The following CHD6 variants were observed in gnomAD, a reference collection of about 807,000 sequenced individuals.
CHD6 encodes the protein ATP-dependent chromatin remodeler CHD6.
A neutral mutation model predicts 276.9 loss-of-function variants in CHD6; 50 were observed. The ratio of observed to expected loss-of-function variants is 0.18; its 90% CI spans 0.14 to 0.23. CHD6 has a LOEUF of 0.23. Ranked by LOEUF, CHD6 falls within the 10% of genes least tolerant of loss-of-function variation. CHD6 has a pLI of 1.00. For missense variants in CHD6, 2,564 were observed against 3,365.8 expected (o/e 0.76, Z 5.89); for synonymous variants, 1,173 against 1,229.3 (o/e 0.95, Z 0.96).
At chr20:41,609,831 G>A (rs535254826) in intron 1 of CHD6, among the ~76,000 whole-genome samples, 47 of 148,444 alleles carry the variant, frequency 3.2e-4, no homozygotes, top group Non-Finnish European at 6.0e-5. Context: ...ATGTGGATCT[G>A]TGTTTCCTTT....
intron 33 of CHD6, 137 bp from the exon 34 acceptor site, chr20:41,415,775 C>T (rs1328256352): frequency 3.1e-6 from 2 of 652,670 alleles, no homozygotes; most frequent in African/African-American, 3.6e-5. Flanking sequence ...ACTCAGGCCT[C>T]CTCAAACCTG....
intron 1 of CHD6, among the ~76,000 whole-genome samples, chr20:41,605,974 C>T (rs1386093532): frequency 6.6e-6 from 1 of 152,146 alleles, no homozygotes; most frequent in Non-Finnish European, 1.5e-5. Context: ...GGGCCATGCA[C>T]CCATGAGGAC....
rs1268017522 is a variant in CHD6, at chr20:41,493,862, CCT to C, written c.1173_1174del (p.Glu393GlyfsTer15). 1.2e-6 allele frequency: 2 copies of C among 1,613,272 alleles called. No individual in the cohort carries two copies. The highest frequency in any genetic ancestry group is 1.7e-6 in the Non-Finnish European group (2 of 1,179,386). On this transcript the variant is annotated frameshift_variant, in exon 9 of 37. Coordinates refer to ENST00000373233, the MANE Select transcript of CHD6 (RefSeq NM_032221.5). LOFTEE classifies it high-confidence loss of function. Reference sequence around the variant, plus strand: ...TCAGGAGAGGCAAATACCCACCTCCCCTGTTTCTGCATCCTTGGTGTGGGCCA... The same window carrying C: ...TCAGGAGAGGCAAATACCCACCTCCCGTTTCTGCATCCTTGGTGTGGGCCA...
In CHD6 at chr20:41,533,160, T is replaced by C. The variant is rs1433150631; in HGVS notation, c.444A>G (p.Lys148=). 3 of 1,614,148 alleles carry C rather than the reference T, an allele frequency of 1.9e-6. No individual in the cohort carries two copies. Among genetic ancestry groups the C allele is most frequent in the Middle Eastern group, 1.7e-4 (1 of 5,988 alleles). Residue 148 remains lysine, a synonymous_variant, in exon 3 of 37, where the codon AAA becomes AAG. Coordinates refer to ENST00000373233, the MANE Select transcript of CHD6 (RefSeq NM_032221.5). ...GCTTCCGTGCCTTCTTTGCCCCATC[T>C]TTTTGCTTCGGCTCCTTGTGCTCCT... The part of the protein sequence containing the change: ...KAKEHKEPKQ[K]DGAKKARKPR...
In CHD6 at chr20:41,533,520, G is replaced by A. The variant is rs752607557; in HGVS notation, c.84C>T (p.Val28=). The A allele has an allele frequency of 1.2e-6, 2 of 1,613,186 alleles. No homozygotes were observed. The highest frequency in any genetic ancestry group is 8.5e-7 in the Non-Finnish European group (1 of 1,179,926). ...LNHSPMSDAS[V]NFDYKSPSPF... is the part of the protein sequence containing the mutation. ...GGGATGGAGATTTGTAGTCAAAATTGACAGAGGCATCAGACATTGGGGAGT... is the reference window on the plus strand; with the variant it reads ...GGGATGGAGATTTGTAGTCAAAATTAACAGAGGCATCAGACATTGGGGAGT... The change falls in exon 3 of 37, where the codon GTC becomes GTT. Residue 28 remains valine, a synonymous_variant. Coordinates refer to ENST00000373233, the MANE Select transcript of CHD6 (RefSeq NM_032221.5).
At chr20:41,515,814 A>G (rs1218996644) in intron 3 of CHD6, among the ~76,000 whole-genome samples, 3 of 152,226 alleles carry the variant, frequency 2.0e-5, no homozygotes, top group Non-Finnish European at 4.4e-5. Flanking sequence ...AGAGGGCAGT[A>G]TGTGCTTGAC....
At chr20:41,416,830 C>A (rs369618600) in intron 32 of CHD6, 36 bp from the exon 33 acceptor site, 1 of 1,448,576 alleles carries the variant, frequency 6.9e-7, no homozygotes, top group Non-Finnish European at 9.2e-7. Context: ...GAATAAGGAT[C>A]GAGTTACCTA....
chr20:41,573,855 C>T (rs2045444514), intron 1 of CHD6, among the ~76,000 whole-genome samples: 1 of 152,048 alleles, frequency 6.6e-6, no homozygotes, highest in Non-Finnish European at 1.5e-5. Flanking sequence ...GGTCTCTGAC[C>T]ATAAGGCAGC....
intron 27 of CHD6, among the ~76,000 whole-genome samples, chr20:41,435,167 A>T (rs2047667554): frequency 6.6e-6 from 1 of 152,344 alleles, no homozygotes; most frequent in South Asian, 2.1e-4. Context: ...CATTAAACTG[A>T]ATGAAAGTGA....
At chr20:41,450,814 A>G (rs1278634078) in intron 23 of CHD6, 132 bp downstream of exon 23, 2 of 817,800 alleles carry the variant, frequency 2.4e-6, no homozygotes, top group Admixed American at 2.3e-5. Flanking sequence ...GACCACAGAT[A>G]ACACATCCTG....
chr20:41,531,257 C>CT (rs2044677654), intron 3 of CHD6, among the ~76,000 whole-genome samples: 3 of 152,112 alleles, frequency 2.0e-5, no homozygotes, highest in Admixed American at 2.0e-4. Context: ...AGATACAAAC[C>CT]AAGACTTCTT....
chr20:41,588,626 T>C (rs1224395114), intron 1 of CHD6, among the ~76,000 whole-genome samples: 2 of 152,132 alleles, frequency 1.3e-5, no homozygotes, highest in African/African-American at 4.8e-5. Context: ...TTGAGACCAA[T>C]GATTCAGTCT....
Position 41,504,440 on chromosome 20 carries a change from C to T in CHD6, c.853-5083G>A, listed in dbSNP as rs1262080957. Among the ~76,000 whole-genome samples the T allele has an allele frequency of 2.3e-5, 3 of 132,900 alleles. No homozygotes were observed. The East Asian group carries it at 7.2e-4, about 32-fold the overall frequency. The allele number at this position is 132,900 out of a possible 152,430, so 87.2% of individuals were successfully genotyped here. A position where few individuals can be genotyped will look rare whatever the true frequency, so the allele number is the denominator to read the frequency against. On this transcript the variant is annotated intron_variant, in intron 5 of 36. Coordinates refer to ENST00000373233, the MANE Select transcript of CHD6 (RefSeq NM_032221.5). ...TTTTTTTTTTTTAGACAGGATCTCA[C>T]TCTGTCACCCAGGCTGGAAAGTGCA...
In CHD6 at chr20:41,495,423, CAG is replaced by C. The variant is rs746542877; in HGVS notation, c.1093-1481_1093-1480del. Among the ~76,000 whole-genome samples the C allele has an allele frequency of 5.1e-4, 77 of 152,028 alleles. 1 individual carries two copies. Among genetic ancestry groups the C allele is most frequent in the Admixed American group, 6.6e-5 (1 of 15,262 alleles). On this transcript the variant is annotated intron_variant, in intron 8 of 36. Transcript: ENST00000373233. ...TATAAAATAATCAAACTCATAGAAGCAGAGAGTAAATGGTGGTTGCCAGGGAT... is the reference window on the plus strand; with the variant it reads ...TATAAAATAATCAAACTCATAGAAGCAGAGTAAATGGTGGTTGCCAGGGAT...
At position 41,493,505 on chromosome 20, in the gene CHD6, G is replaced by A. The variant is rs752950370; in HGVS notation, c.1314+33C>T. 178 of 1,604,688 alleles carry A rather than the reference G, an allele frequency of 1.1e-4. 1 individual carries two copies. Among genetic ancestry groups the A allele is most frequent in the East Asian group, 2.2e-4 (10 of 44,736 alleles). ...CAAAGTTCATAAAATTACATGTTCC[G>A]AGAAGTGCCAGAGAGAGACAAAACT... On this transcript the variant is annotated intron_variant, in intron 10 of 36. Coordinates refer to ENST00000373233, the MANE Select transcript of CHD6 (RefSeq NM_032221.5).
intron 1 of CHD6, among the ~76,000 whole-genome samples, chr20:41,588,948 C>A (rs929200729): frequency 6.6e-6 from 1 of 152,076 alleles, no homozygotes; most frequent in Non-Finnish European, 1.5e-5. Flanking sequence ...CCCTGATGAA[C>A]ATCGATGCAA....
At chr20:41,587,842 A>C (rs1055788737) in intron 1 of CHD6, among the ~76,000 whole-genome samples, 27 of 152,118 alleles carry the variant, frequency 1.8e-4, no homozygotes, top group Admixed American at 1.6e-3. Flanking sequence ...AAAAAAACCC[A>C]AAAAAACCCT....
chr20:41,526,931 T>C (rs2044553265), intron 3 of CHD6, among the ~76,000 whole-genome samples: 1 of 152,152 alleles, frequency 6.6e-6, no homozygotes, highest in Non-Finnish European at 1.5e-5. Flanking sequence ...GAATCCACTT[T>C]TCTAACAAGC....
chr20:41,497,556 C>G, intron 7 of CHD6, 55 bp from the exon 8 acceptor site: 1 of 1,215,646 alleles, frequency 8.2e-7, no homozygotes, highest in South Asian at 1.2e-5. Flanking sequence ...AATGATCGAG[C>G]TTTAAGGTGT....
Sources: allele counts gnomAD v4.1 joint callset (sites outside exome capture counted in the v4.1 genomes callset), GRCh38; gene constraint gnomAD v4.1.1; transcripts MANE v1.5; gene names NCBI Gene and HGNC (gene_info 2026-07-23, HGNC 2026-07-21).